AMMECR1: variants seen among roughly 807,000 people sequenced by gnomAD.
The protein encoded by AMMECR1 is nuclear protein AMMECR1.
In AMMECR1, 3 loss-of-function variants were observed where a neutral mutation model predicts 22.5. The ratio of observed to expected loss-of-function variants is 0.13; its 90% confidence interval spans 0.06 to 0.35. The LOEUF (loss-of-function observed/expected upper bound fraction) is 0.35. Among genes scored for constraint, AMMECR1 ranks in the 10% least tolerant of loss-of-function variants. AMMECR1 has a pLI of 1.00. For missense variants in AMMECR1, 235 were observed against 278.7 expected (o/e 0.84, Z 1.12); for synonymous variants, 130 against 116.7 (o/e 1.11, Z -0.74).
chrX:110,199,123 A>T (rs1040164959), intron 5 of AMMECR1, among the ~76,000 whole-genome samples: 1 of 111,386 alleles, frequency 9.0e-6, no homozygotes, highest in Non-Finnish European at 1.9e-5. Flanking sequence ...TTTCTCAAAT[A>T]GTTGTGTGTA....
intron 2 of AMMECR1, among the ~76,000 whole-genome samples, chrX:110,353,611 T>C (rs2068219280): frequency 9.1e-6 from 1 of 109,303 alleles, no homozygotes; most frequent in Non-Finnish European, 1.9e-5. Flanking sequence ...AATTTCCACA[T>C]ATTTATGAGT....
intron 2 of AMMECR1, among the ~76,000 whole-genome samples, chrX:110,263,212 G>GA (rs1215453849): frequency 6.5e-5 from 7 of 107,479 alleles, no homozygotes; most frequent in East Asian, 5.8e-4. Context: ...TTTTATGTCA[G>GA]AAAAAAAAAA....
chrX:110,345,346 G>T (rs1008477446), intron 2 of AMMECR1, among the ~76,000 whole-genome samples: 4 of 108,133 alleles, frequency 3.7e-5, no homozygotes, highest in African/African-American at 1.4e-4. Context: ...GGCCTGTTGT[G>T]GGGTTGGGGG....
At chrX:110,275,765 G>C (rs1209022370) in intron 1 of AMMECR1, among the ~76,000 whole-genome samples, 1 of 111,244 alleles carries the variant, frequency 9.0e-6, no homozygotes, top group African/African-American at 3.3e-5. Context: ...AGGGTGCGGA[G>C]GTTGTGGTGA....
chrX:110,422,687 T>C (rs1445599962), intron 2 of AMMECR1, among the ~76,000 whole-genome samples: 1 of 112,299 alleles, frequency 8.9e-6, no homozygotes, highest in Admixed American at 9.4e-5. Flanking sequence ...GTTGGGTCTC[T>C]TGTAGGGACT....
chrX:110,330,251 A>T (rs2068115573), intron 2 of AMMECR1, among the ~76,000 whole-genome samples: 1 of 111,741 alleles, frequency 8.9e-6, no homozygotes, highest in Non-Finnish European at 1.9e-5. Flanking sequence ...AAAAAAAACG[A>T]CTTTCAGGTG....
intron 2 of AMMECR1, among the ~76,000 whole-genome samples, chrX:110,422,231 C>A (rs1163221507): frequency 2.7e-5 from 3 of 112,615 alleles, no homozygotes; most frequent in Non-Finnish European, 5.6e-5. Context: ...GAACCAGGAA[C>A]TGTTCCCTCC....
chrX:110,343,824 C>T (rs948558994), intron 2 of AMMECR1, among the ~76,000 whole-genome samples: 2 of 110,883 alleles, frequency 1.8e-5, no homozygotes, highest in Non-Finnish European at 3.8e-5. Context: ...CTACAAACCA[C>T]TGCTCAATGA....
chrX:110,213,946 A>T (rs2067459724), intron 3 of AMMECR1, among the ~76,000 whole-genome samples: 1 of 110,806 alleles, frequency 9.0e-6, no homozygotes, highest in Non-Finnish European at 1.9e-5. Flanking sequence ...TTCACTTTCA[A>T]ATACTTGTAT....
intron 2 of AMMECR1, among the ~76,000 whole-genome samples, chrX:110,221,642 C>T (rs2067500528): frequency 9.0e-6 from 1 of 110,753 alleles, no homozygotes; most frequent in Non-Finnish European, 1.9e-5. Flanking sequence ...TGACCATTAA[C>T]ATTTATTAAT....
At chrX:110,332,040 A>T in intron 2 of AMMECR1, among the ~76,000 whole-genome samples, 1 of 111,536 alleles carries the variant, frequency 9.0e-6, no homozygotes, top group East Asian at 2.8e-4. Flanking sequence ...GATATTATAG[A>T]TCTATTCCCT....
At position 110,300,500 on chromosome X, in the gene AMMECR1, T is replaced by C. The variant is rs367630792; in HGVS notation, c.473+17099A>G. 8.0e-5 allele frequency among the ~76,000 whole-genome samples: 9 copies of C among 112,116 alleles called. No homozygotes were observed. In the East Asian group the frequency reaches 8.3e-4, roughly 10 times the overall value. On this transcript the variant is annotated intron_variant, in intron 1 of 5. Transcript: ENST00000262844. ...ATGCCCATTTGTTTCTAACATAGGA[T>C]TGTCATTGGTCCACAATCACTGAAG... is the stretch of plus-strand genomic sequence containing the variant.
Position 110,348,480 on chromosome X carries a change from A to G in AMMECR1, c.-147-30631T>C, listed in dbSNP as rs1297275010. On this transcript the variant is annotated intron_variant, in intron 2 of 7. Coordinates refer to the AMMECR1 transcript ENST00000372057. Reference sequence around the variant, plus strand: ...AATTTGCTTTAAACTACACATTTACATACTACATTGTTAAACACAGGCTTT... The same window carrying G: ...AATTTGCTTTAAACTACACATTTACGTACTACATTGTTAAACACAGGCTTT... Among the ~76,000 whole-genome samples, 13 of 112,305 alleles carry G rather than the reference A, an allele frequency of 1.2e-4. No individual in the cohort carries two copies. The Admixed American group carries it at 1.2e-3, about 11-fold the overall frequency.
intron 2 of AMMECR1, among the ~76,000 whole-genome samples, chrX:110,257,493 T>C (rs1395855895): frequency 8.9e-6 from 1 of 111,863 alleles, no homozygotes. Flanking sequence ...ATTTTCCCCT[T>C]TAAAATATGT....
chrX:110,418,390 AAAC>A (rs1439658463), intron 2 of AMMECR1, among the ~76,000 whole-genome samples: 1 of 112,324 alleles, frequency 8.9e-6, no homozygotes, highest in Non-Finnish European at 1.9e-5. Flanking sequence ...ATACAAAAGA[AAAC>A]AACTCAATTC....
intron 1 of AMMECR1, among the ~76,000 whole-genome samples, chrX:110,433,703 ACT>A (rs1163608360): frequency 3.6e-5 from 4 of 111,657 alleles, no homozygotes; most frequent in African/African-American, 1.3e-4. Flanking sequence ...GGACAGTGAC[ACT>A]TTTAGAAAGC....
intron 2 of AMMECR1, among the ~76,000 whole-genome samples, chrX:110,369,101 G>A (rs1235560376): frequency 8.9e-6 from 1 of 112,035 alleles, no homozygotes; most frequent in Non-Finnish European, 1.9e-5. Flanking sequence ...GGGAGGCTGA[G>A]GTGGGCAGAT....
In AMMECR1 at chrX:110,200,915, T is replaced by G. The variant is rs185671505; in HGVS notation, c.887+39A>C. ...AGGGTTATAGGCATACACATCAAAA[T>G]GTACAGGTTAGCCTTGTGCTAGAAA... On this transcript the variant is annotated intron_variant, in intron 5 of 5. Transcript: ENST00000262844. The G allele has an allele frequency of 2.8e-5, 28 of 1,013,908 alleles. No individual in the cohort carries two copies. The East Asian group carries it at 8.5e-4, about 31-fold the overall frequency. The allele number at this position is 1,013,908 out of a possible 1,213,427, so 83.6% of individuals were successfully genotyped here. A position where few individuals can be genotyped will look rare whatever the true frequency, so the allele number is the denominator to read the frequency against.
intron 2 of AMMECR1, among the ~76,000 whole-genome samples, chrX:110,409,807 G>A (rs763459437): frequency 6.3e-5 from 7 of 111,465 alleles, no homozygotes; most frequent in African/African-American, 2.3e-4. Context: ...GAAGGGCAGG[G>A]GGCAGCACCT....
Sources: allele counts gnomAD v4.1 joint callset (sites outside exome capture counted in the v4.1 genomes callset), GRCh38; gene constraint gnomAD v4.1.1; transcripts MANE v1.5; gene names NCBI Gene and HGNC (gene_info 2026-07-23, HGNC 2026-07-21).